The following MARCHF10 variants were observed in gnomAD, a reference collection of about 807,000 sequenced individuals.
MARCHF10 encodes the protein membrane associated ring-CH-type finger 10.
A neutral mutation model predicts 76.2 loss-of-function variants in MARCHF10; 64 were observed. The ratio of observed to expected loss-of-function variants is 0.84; its 90% CI spans 0.69 to 1.03. The LOEUF is 1.03. Ranked by LOEUF, MARCHF10 falls within the 50% of genes least tolerant of loss-of-function variation. The probability of loss-of-function intolerance (pLI) is 0.00; values close to 1 mark genes in which losing one functional copy is unlikely to be tolerated. For synonymous variants in MARCHF10, 340 were observed against 357.5 expected (o/e 0.95, Z 0.55); for missense variants, 875 against 958.0 (o/e 0.91, Z 1.14).
chr17:62,740,597 C>T (rs1430582095), intron 5 of MARCHF10, among the ~76,000 whole-genome samples: 1 of 152,168 alleles, frequency 6.6e-6, no homozygotes, highest in Non-Finnish European at 1.5e-5. Flanking sequence ...GTTGCATACT[C>T]AAGACCCCAG....
chr17:62,739,678 G>A (rs2091433313), intron 5 of MARCHF10, among the ~76,000 whole-genome samples: 1 of 152,146 alleles, frequency 6.6e-6, no homozygotes. Context: ...ACCGTGCCCG[G>A]CCGGCTGATG....
intron 7 of MARCHF10, among the ~76,000 whole-genome samples, chr17:62,722,858 TTAAATA>T (rs575816066): frequency 1.1e-3 from 167 of 152,282 alleles, no homozygotes; most frequent in African/African-American, 3.7e-3. Flanking sequence ...TGCTTTCTAT[TTAAATA>T]TAAACAGGAT....
Position 62,701,554 on chromosome 17 carries a change from C to T in MARCHF10, c.*149G>A, listed in dbSNP as rs1437982734. On this transcript the variant is annotated 3_prime_UTR_variant, in exon 11 of 11. Transcript: ENST00000311269. Reference sequence around the variant, plus strand: ...TGCCCATAGATGCTCAAGCCAGACCCCAAAAGAGAGTGGCACGAGGTGAAA... The same window carrying T: ...TGCCCATAGATGCTCAAGCCAGACCTCAAAAGAGAGTGGCACGAGGTGAAA... 33 of 1,544,010 alleles carry T rather than the reference C, an allele frequency of 2.1e-5. No homozygotes were observed. The East Asian group carries it at 6.6e-4, about 31-fold the overall frequency.
At chr17:62,760,856 G>GT (rs1315510108) in intron 3 of MARCHF10, among the ~76,000 whole-genome samples, 1 of 152,234 alleles carries the variant, frequency 6.6e-6, no homozygotes, top group Non-Finnish European at 1.5e-5. Context: ...TGCGGTGGGG[G>GT]TGGAGGGGGG....
chr17:62,783,472 A>G (rs1225647048), intron 3 of MARCHF10, among the ~76,000 whole-genome samples: 4 of 152,124 alleles, frequency 2.6e-5, no homozygotes, highest in Admixed American at 6.6e-5. Flanking sequence ...AGAACTAGAA[A>G]AGCAAGAGCA....
chr17:62,718,725 C>T (rs1195059869), intron 8 of MARCHF10, among the ~76,000 whole-genome samples: 3 of 152,148 alleles, frequency 2.0e-5, no homozygotes, highest in Admixed American at 6.5e-5. Flanking sequence ...GAATGTGAGT[C>T]GCGCTGTTTA....
chr17:62,710,629 G>C (rs1235664304), intron 9 of MARCHF10, among the ~76,000 whole-genome samples: 1 of 135,308 alleles, frequency 7.4e-6, no homozygotes, highest in African/African-American at 2.9e-5. Flanking sequence ...CACAATCTCA[G>C]CTCATTGCAA....
At chr17:62,770,652 T>C (rs1303170095) in intron 3 of MARCHF10, among the ~76,000 whole-genome samples, 1 of 151,562 alleles carries the variant, frequency 6.6e-6, no homozygotes, top group East Asian at 1.9e-4. Flanking sequence ...ACTGTTCTCA[T>C]GCCTCAGCCT....
At chr17:62,773,350 G>A (rs755890580) in intron 3 of MARCHF10, among the ~76,000 whole-genome samples, 1 of 152,194 alleles carries the variant, frequency 6.6e-6, no homozygotes, top group African/African-American at 2.4e-5. Context: ...GTGCAGAGAC[G>A]GGGAAGTCAT....
At chr17:62,701,982 A>G (rs1323885428) in intron 10 of MARCHF10, among the ~76,000 whole-genome samples, 1 of 152,150 alleles carries the variant, frequency 6.6e-6, no homozygotes, top group Non-Finnish European at 1.5e-5. Flanking sequence ...AGCTTCCCCC[A>G]AAGACAGCAT....
chr17:62,800,570 T>C (rs1186009484), intron 2 of MARCHF10, among the ~76,000 whole-genome samples: 1 of 152,180 alleles, frequency 6.6e-6, no homozygotes, highest in Non-Finnish European at 1.5e-5. Flanking sequence ...CTGGTTTCCT[T>C]GGTGACCTGG....
chr17:62,778,020 C>A (rs943490772), intron 3 of MARCHF10, among the ~76,000 whole-genome samples: 1 of 152,198 alleles, frequency 6.6e-6, no homozygotes, highest in Non-Finnish European at 1.5e-5. Context: ...ATGTGCTAGG[C>A]ATTGGAAATA....
intron 3 of MARCHF10, among the ~76,000 whole-genome samples, chr17:62,769,427 T>G (rs554386597): frequency 1.7e-4 from 26 of 152,186 alleles, no homozygotes; most frequent in Non-Finnish European, 3.4e-4. Context: ...TTTGTTTGTT[T>G]GTTTGTTTGA....
chr17:62,771,870 C>A (rs1011125753), intron 3 of MARCHF10, among the ~76,000 whole-genome samples: 3 of 152,312 alleles, frequency 2.0e-5, no homozygotes, highest in African/African-American at 7.2e-5. Flanking sequence ...AGCCACCACC[C>A]CCAGCCTGCT....
chr17:62,792,977 C>G, intron 2 of MARCHF10, among the ~76,000 whole-genome samples: 1 of 149,488 alleles, frequency 6.7e-6, no homozygotes, highest in South Asian at 2.2e-4. Context: ...CAACCACCAC[C>G]ACCTCCATCA....
intron 8 of MARCHF10, among the ~76,000 whole-genome samples, chr17:62,714,736 C>A: frequency 6.6e-6 from 1 of 152,014 alleles, no homozygotes; most frequent in South Asian, 2.1e-4. Context: ...GCAGTCCCGT[C>A]CCCTCCCCTC....
At chr17:62,793,490 TCACCAC>T (rs1158412681) in intron 2 of MARCHF10, among the ~76,000 whole-genome samples, 1 of 65,612 alleles carries the variant, frequency 1.5e-5, no homozygotes, top group African/African-American at 7.2e-5. Context: ...ACCACCTCCA[TCACCAC>T]CACCACCTCC....
intron 2 of MARCHF10, among the ~76,000 whole-genome samples, chr17:62,798,862 G>C (rs932781426): frequency 6.6e-6 from 1 of 152,226 alleles, no homozygotes; most frequent in Non-Finnish European, 1.5e-5. Context: ...AGGGGCTGGA[G>C]AGCAGAGGGC....
chr17:62,803,448 G>A (rs939073903), intron 1 of MARCHF10, among the ~76,000 whole-genome samples: 19 of 152,066 alleles, frequency 1.2e-4, no homozygotes, highest in Non-Finnish European at 2.2e-4. Context: ...AACCAGCATC[G>A]GGTAGCAACA....
Sources: gnomAD v4.1 joint callset for allele counts (sites outside exome capture counted in the v4.1 genomes callset) on GRCh38, gnomAD v4.1.1 for gene constraint, MANE v1.5 for transcripts, NCBI Gene and HGNC (gene_info 2026-07-23, HGNC 2026-07-21) for gene names.